Variants in AAK1 observed in about 807,000 individuals in gnomAD.
AAK1 encodes AP2-associated protein kinase 1.
A neutral mutation model predicts 116.0 loss-of-function variants in AAK1; 37 were observed. The ratio of observed to expected loss-of-function variants is 0.32; its 90% CI spans 0.25 to 0.42. The LOEUF is 0.42. Ranked by LOEUF, AAK1 falls within the 10% of genes least tolerant of loss-of-function variation. The pLI is 1.00. For missense variants in AAK1, 919 were observed against 1,170.6 expected, an observed-to-expected ratio of 0.79 and a Z score of 3.14; for synonymous variants, 458 against 439.9, an observed-to-expected ratio of 1.04 and a Z score of -0.51.
intron 2 of AAK1, among the ~76,000 whole-genome samples, chr2:69,596,937 C>A (rs1054167498): frequency 6.6e-6 from 1 of 151,750 alleles, no homozygotes; most frequent in Non-Finnish European, 1.5e-5. Context: ...GAGTAGAAGG[C>A]GAGGGTGTTA....
chr2:69,501,345 G>A (rs955908673), intron 16 of AAK1, among the ~76,000 whole-genome samples: 6 of 151,374 alleles, frequency 4.0e-5, no homozygotes, highest in South Asian at 2.1e-4. Flanking sequence ...AATATCATAC[G>A]AATATTTATG....
At chr2:69,551,181 G>C (rs1671167369) in intron 3 of AAK1, among the ~76,000 whole-genome samples, 1 of 151,930 alleles carries the variant, frequency 6.6e-6, no homozygotes, top group Non-Finnish European at 1.5e-5. Context: ...TTATAAATGG[G>C]AGCTAAATGA....
At chr2:69,516,983 T>G (rs1676608872) in intron 12 of AAK1, 1 of 152,126 alleles carries the variant, frequency 6.6e-6, no homozygotes. Context: ...TGATTAGTAG[T>G]GGGATCCTGC....
rs1335864543 is a variant in AAK1, at chr2:69,467,188, G to A, written c.*8681C>T. 3 of 985,302 alleles carry A rather than the reference G, an allele frequency of 3.0e-6. No homozygotes were observed. The highest frequency in any genetic ancestry group is 4.7e-5 in the South Asian group (1 of 21,284). 61.0% of individuals were successfully genotyped at this position (985,302 alleles called of 1,614,324 possible). ...AGACCAAATAAATCACCTTCAGCTG[G>A]AGTTGCCCCAGAATTTTGTTTTCAG... On this transcript the variant is annotated 3_prime_UTR_variant, in exon 22 of 22. Transcript: ENST00000409085.
At chr2:69,504,150 A>G (rs1248150418) in intron 16 of AAK1, among the ~76,000 whole-genome samples, 3 of 152,124 alleles carry the variant, frequency 2.0e-5, no homozygotes, top group Non-Finnish European at 2.9e-5. Flanking sequence ...TAATCCCAGC[A>G]CTTTGGGAGG....
Position 69,471,099 on chromosome 2 carries a change from A to G in AAK1, c.*4770T>C, listed in dbSNP as rs1330001581. 5.1e-6 allele frequency: 5 copies of G among 985,728 alleles called. No homozygotes were observed. In the Admixed American group the frequency reaches 2.5e-4, roughly 48 times the overall value. 61.1% of individuals were successfully genotyped at this position (985,728 alleles called of 1,614,324 possible). ...CTTGGGAAGGACGCGTTAAAGACCT[A>G]TGATAAACACACATCCACATGACAA... On this transcript the variant is annotated 3_prime_UTR_variant, in exon 22 of 22. Coordinates refer to ENST00000409085, the MANE Select transcript of AAK1 (RefSeq NM_014911.5).
chr2:69,578,223 G>A (rs919862201), intron 2 of AAK1, among the ~76,000 whole-genome samples: 6 of 152,170 alleles, frequency 3.9e-5, no homozygotes, highest in South Asian at 2.1e-4. Flanking sequence ...ATGGGAGTGC[G>A]GAAAATGTTT....
rs1674601687 is a variant in AAK1, at chr2:69,469,419, T to G, written c.*6450A>C. ...TTTTTTGAGTATGTGAATGTGTTCT[T>G]ACAGGGAAAATGTGTTTTCAGGGTG... On this transcript the variant is annotated 3_prime_UTR_variant, in exon 22 of 22. Coordinates refer to ENST00000409085, the MANE Select transcript of AAK1 (RefSeq NM_014911.5). The G allele has an allele frequency of 4.1e-6, 4 of 985,362 alleles. No individual in the cohort carries two copies. Among genetic ancestry groups the G allele is most frequent in the Non-Finnish European group, 4.8e-6 (4 of 829,956 alleles). The allele number at this position is 985,362 out of a possible 1,614,324, so 61.0% of individuals were successfully genotyped here. A position where few individuals can be genotyped will look rare whatever the true frequency, so the allele number is the denominator to read the frequency against.
rs564992150 is a variant in AAK1 at position 69,576,560 on chromosome 2, C to T, written c.164-19582G>A. 7.4e-4 allele frequency among the ~76,000 whole-genome samples: 112 copies of T among 152,256 alleles called. No homozygotes were observed. In the East Asian group the frequency reaches 8.7e-3, roughly 12 times the overall value. On this transcript the variant is annotated intron_variant, in intron 2 of 21. Transcript: ENST00000409085. ...CTTCTTTGTGTTCCTAAGTCCTCAT[C>T]ATTTAGCTCCCACTTACAAGTGAGA...
chr2:69,602,896 C>T (rs1673640349), intron 2 of AAK1, among the ~76,000 whole-genome samples: 1 of 152,170 alleles, frequency 6.6e-6, no homozygotes, highest in South Asian at 2.1e-4. Context: ...AAGTACAGCC[C>T]TAATACCAAA....
chr2:69,502,037 CAG>C (rs1233914543), intron 16 of AAK1, among the ~76,000 whole-genome samples: 2 of 151,916 alleles, frequency 1.3e-5, no homozygotes, highest in Admixed American at 6.6e-5. Context: ...AAAAAGAAAA[CAG>C]AAGATTTTAT....
At chr2:69,587,662 C>T (rs1013062020) in intron 2 of AAK1, among the ~76,000 whole-genome samples, 6 of 151,792 alleles carry the variant, frequency 4.0e-5, no homozygotes, top group African/African-American at 9.7e-5. Flanking sequence ...GACTGGGTTT[C>T]GCCATGTTAG....
At position 69,509,430 on chromosome 2, in the gene AAK1, C is replaced by T; in HGVS notation, c.1807G>A (p.Val603Ile). 1 of 1,613,814 alleles carries T rather than the reference C, an allele frequency of 6.2e-7. No individual in the cohort carries two copies. The highest frequency in any genetic ancestry group is 8.5e-7 in the Non-Finnish European group (1 of 1,179,822). ...ACGGCAGGAGGTGGGGTTGTCTGAACCTTTGGCTGTTGTCTTACTGGGGCT... is the reference window on the plus strand; with the variant it reads ...ACGGCAGGAGGTGGGGTTGTCTGAATCTTTGGCTGTTGTCTTACTGGGGCT... ...IQAPVRQQPKVQTTPPPAVQG... is the reference protein window; with the variant it reads ...IQAPVRQQPKIQTTPPPAVQG... The change falls in exon 14 of 22, where the codon GTT becomes ATT. Residue 603 changes from valine to isoleucine, a missense_variant. This residue lies in a region of AAK1 where 125 missense variants were observed against 184.1 expected (regional missense o/e 0.68). Coordinates refer to ENST00000409085, the MANE Select transcript of AAK1 (RefSeq NM_014911.5).
chr2:69,524,517 C>T (rs936121464), intron 10 of AAK1, among the ~76,000 whole-genome samples: 1 of 152,110 alleles, frequency 6.6e-6, no homozygotes, highest in Non-Finnish European at 1.5e-5. Context: ...TCACTGCAAC[C>T]TCCACCTTCC....
rs1674561388 is a variant in AAK1, at chr2:69,468,463, GCA to G, written c.*7404_*7405del. On this transcript the variant is annotated 3_prime_UTR_variant, in exon 22 of 22. Coordinates refer to ENST00000409085, the MANE Select transcript of AAK1 (RefSeq NM_014911.5). Reference sequence around the variant, plus strand: ...AAAGTTTTCAGTTGCCAAAACAAAAGCACAATTTCTCATCTTCCAAAACTACC... The same window carrying G: ...AAAGTTTTCAGTTGCCAAAACAAAAGCAATTTCTCATCTTCCAAAACTACC... The G allele has an allele frequency of 5.1e-6, 5 of 985,220 alleles. No individual in the cohort carries two copies. Among genetic ancestry groups the G allele is most frequent in the Non-Finnish European group, 6.0e-6 (5 of 829,930 alleles). 61.0% of individuals were successfully genotyped at this position (985,220 alleles called of 1,614,324 possible). A position where few individuals can be genotyped will look rare whatever the true frequency, so the allele number is the denominator to read the frequency against.
chr2:69,487,725 A>G (rs535229610), intron 17 of AAK1, among the ~76,000 whole-genome samples: 1 of 151,760 alleles, frequency 6.6e-6, no homozygotes, highest in East Asian at 1.9e-4. Context: ...GTGAAAAGCA[A>G]TTGGACAATT....
At chr2:69,569,076 A>G (rs1671991756) in intron 2 of AAK1, among the ~76,000 whole-genome samples, 1 of 152,170 alleles carries the variant, frequency 6.6e-6, no homozygotes, top group South Asian at 2.1e-4. Context: ...AAACTAAAAT[A>G]GAGTCATAAG....
In AAK1 at chr2:69,470,416, AAC is replaced by A; in HGVS notation, c.*5451_*5452del. On this transcript the variant is annotated 3_prime_UTR_variant, in exon 22 of 22. Coordinates refer to ENST00000409085, the MANE Select transcript of AAK1 (RefSeq NM_014911.5). ...ATTACCATGACCTTCTAGCTCACAT[AAC>A]AAAATTAAGCATTTGGTTCCACCAT... The A allele has an allele frequency of 1.0e-6, 1 of 985,420 alleles. No homozygotes were observed. The highest frequency in any genetic ancestry group is 1.2e-6 in the Non-Finnish European group (1 of 829,934). 61.0% of individuals were successfully genotyped at this position (985,420 alleles called of 1,614,324 possible).
chr2:69,523,163 T>C (rs746684580), intron 10 of AAK1, among the ~76,000 whole-genome samples: 1 of 152,242 alleles, frequency 6.6e-6, no homozygotes, highest in Admixed American at 6.5e-5. Flanking sequence ...TCAATGAGTA[T>C]GTTTTGTGGA....
Sources: allele counts gnomAD v4.1 joint callset (sites outside exome capture counted in the v4.1 genomes callset), GRCh38; gene constraint gnomAD v4.1.1; regional missense constraint gnomAD v4.1.1; transcripts MANE v1.5; gene names NCBI Gene and HGNC (gene_info 2026-07-23, HGNC 2026-07-21).